Variants in USP7 observed in about 807,000 individuals in gnomAD.
USP7 encodes ubiquitin C-terminal hydrolase 7.
In USP7, 9 loss-of-function variants were observed where a neutral mutation model predicts 162.9. That is an observed-to-expected ratio of 0.06 (90% CI 0.03 to 0.10). The LOEUF is 0.10. Among genes scored for constraint, USP7 ranks in the 10% least tolerant of loss-of-function variants. USP7 has a pLI of 1.00. For missense variants in USP7, 715 were observed against 1,373.7 expected (o/e 0.52, Z 7.58); for synonymous variants, 562 against 475.9 (o/e 1.18, Z -2.35).
intron 1 of USP7, among the ~76,000 whole-genome samples, chr16:8,934,107 TC>T (rs1289026865): frequency 3.9e-5 from 6 of 152,190 alleles, no homozygotes; most frequent in Admixed American, 2.0e-4. Context: ...ACTTTTAACT[TC>T]CTTGGTTCAA....
At chr16:8,921,122 C>T (rs1897670067) in intron 4 of USP7, 35 bp downstream of exon 4, 7 of 1,606,280 alleles carry the variant, frequency 4.4e-6, no homozygotes, top group Non-Finnish European at 6.0e-6. Flanking sequence ...AGCAGTAATG[C>T]ACCAATTGTT....
In USP7 at chr16:8,895,018, C is replaced by T. The variant is rs769446474; in HGVS notation, c.3039+13G>A. On this transcript the variant is annotated intron_variant, in intron 28 of 30. Coordinates refer to ENST00000344836, the MANE Select transcript of USP7 (RefSeq NM_003470.3). ...TTTTGACGTGAGCCACTCGGCCAAC[C>T]ACAACAGCATACCTGGTGTATCCTC... 5.6e-6 allele frequency: 9 copies of T among 1,614,236 alleles called. No homozygotes were observed. The South Asian group carries it at 9.9e-5, about 18-fold the overall frequency.
At chr16:8,898,464 A>G in intron 24 of USP7, 27 bp from the exon 25 acceptor site, 3 of 1,608,118 alleles carry the variant, frequency 1.9e-6, no homozygotes, top group Non-Finnish European at 2.5e-6. Flanking sequence ...GATTCACATC[A>G]GATACCGTCA....
At chr16:8,899,879 G>A (rs1284590993) in intron 21 of USP7, 122 bp from the exon 22 acceptor site, 2 of 1,258,534 alleles carry the variant, frequency 1.6e-6, no homozygotes, top group African/African-American at 3.0e-5. Flanking sequence ...ATAAATTCAG[G>A]TTCCCCTTTG....
intron 1 of USP7, among the ~76,000 whole-genome samples, chr16:8,945,840 C>T (rs1252774898): frequency 1.3e-5 from 2 of 151,708 alleles, no homozygotes; most frequent in African/African-American, 4.8e-5. Flanking sequence ...TGCTTGAGGC[C>T]AGGAGTCAGA....
chr16:8,896,134 C>T (rs893824631), intron 26 of USP7, among the ~76,000 whole-genome samples: 1 of 146,614 alleles, frequency 6.8e-6, no homozygotes, highest in African/African-American at 2.5e-5. Flanking sequence ...CCACCATGCC[C>T]AGCTTTTTTT....
chr16:8,899,517 G>C, intron 22 of USP7, 87 bp downstream of exon 22: 1 of 1,534,078 alleles, frequency 6.5e-7, no homozygotes, highest in Non-Finnish European at 8.9e-7. Flanking sequence ...CCAAAACCAT[G>C]AGATAGCTTC....
intron 1 of USP7, among the ~76,000 whole-genome samples, chr16:8,960,379 G>A (rs950104229): frequency 1.3e-5 from 2 of 152,172 alleles, no homozygotes; most frequent in Admixed American, 1.3e-4. Context: ...CCAGAGCACT[G>A]CTGTTTTCCA....
At chr16:8,915,889 G>A (rs950952753) in intron 8 of USP7, among the ~76,000 whole-genome samples, 2 of 152,196 alleles carry the variant, frequency 1.3e-5, no homozygotes, top group African/African-American at 4.8e-5. Flanking sequence ...CCTGTCAACA[G>A]GATTGACTGG....
intron 12 of USP7, among the ~76,000 whole-genome samples, chr16:8,906,996 A>G (rs1023735938): frequency 3.3e-5 from 5 of 152,220 alleles, no homozygotes; most frequent in African/African-American, 4.8e-5. Flanking sequence ...ACAAATTTTG[A>G]TTTACTTGAC....
In USP7 at chr16:8,963,850, G is replaced by C. The variant is rs1162941293; in HGVS notation, c.-565C>G. Among the ~76,000 whole-genome samples, 1 of 146,768 alleles carries C rather than the reference G, an allele frequency of 6.8e-6. No homozygotes were observed. Among genetic ancestry groups the C allele is most frequent in the African/African-American group, 2.4e-5 (1 of 40,894 alleles). The stretch of plus-strand genomic sequence containing the variant: ...CGTCGTCGGGGCTCCGGCAGCGGAC[G>C]CGGCGCCCGGCAGCTCGGCTCGGCT... On this transcript the variant is annotated 5_prime_UTR_variant, in exon 1 of 31. Coordinates refer to ENST00000344836, the MANE Select transcript of USP7 (RefSeq NM_003470.3).
At chr16:8,912,473 A>C (rs1349747798) in intron 10 of USP7, among the ~76,000 whole-genome samples, 2 of 150,312 alleles carry the variant, frequency 1.3e-5, no homozygotes, top group African/African-American at 5.0e-5. Flanking sequence ...GAAAGAAAAA[A>C]GAAAATAAAC....
At chr16:8,952,882 G>C (rs1055880307) in intron 1 of USP7, among the ~76,000 whole-genome samples, 3 of 151,646 alleles carry the variant, frequency 2.0e-5, no homozygotes, top group African/African-American at 7.3e-5. Context: ...TGTCGCCCAG[G>C]CTAGAGTGCA....
At chr16:8,934,626 C>T (rs531492918) in intron 1 of USP7, among the ~76,000 whole-genome samples, 26 of 152,328 alleles carry the variant, frequency 1.7e-4, no homozygotes, top group African/African-American at 5.1e-4. Context: ...CAGAGGTCTG[C>T]GGTTGCAGCA....
chr16:8,899,591 A>G lies in USP7; in HGVS notation c.2463+13T>C. ...AGTGGGATCTGAAGAGGAAAGGAGC[A>G]TTTATTAAATACCTGAAAATAATTC... On this transcript the variant is annotated intron_variant, in intron 22 of 30. Transcript: ENST00000344836. 6.2e-7 allele frequency: 1 copy of G among 1,612,908 alleles called. No individual in the cohort carries two copies. Among genetic ancestry groups the G allele is most frequent in the Non-Finnish European group, 8.5e-7 (1 of 1,178,962 alleles).
At chr16:8,932,084 ACC>A (rs1273003763) in intron 1 of USP7, among the ~76,000 whole-genome samples, 1 of 151,896 alleles carries the variant, frequency 6.6e-6, no homozygotes, top group African/African-American at 2.4e-5. Flanking sequence ...ACTCTCCAAA[ACC>A]CCAACGCTTA....
intron 12 of USP7, among the ~76,000 whole-genome samples, chr16:8,907,171 C>G (rs992386417): frequency 1.3e-5 from 2 of 152,236 alleles, no homozygotes; most frequent in Non-Finnish European, 2.9e-5. Context: ...GCCAAACCTT[C>G]TGATTCCTAA....
chr16:8,899,873 A>G, intron 21 of USP7, 116 bp from the exon 22 acceptor site: 1 of 1,295,550 alleles, frequency 7.7e-7, no homozygotes, highest in Non-Finnish European at 1.1e-6. Flanking sequence ...TGCAAGATAA[A>G]TTCAGGTTCC....
intron 21 of USP7, chr16:8,900,162 C>CT (rs2061751152): frequency 2.9e-6 from 1 of 345,802 alleles, no homozygotes; most frequent in Non-Finnish European, 5.3e-6. Flanking sequence ...CACTGAGTGT[C>CT]TAAGACCAAA....
Sources: allele counts gnomAD v4.1 joint callset (sites outside exome capture counted in the v4.1 genomes callset), GRCh38; gene constraint gnomAD v4.1.1; transcripts MANE v1.5; gene names NCBI Gene and HGNC (gene_info 2026-07-23, HGNC 2026-07-21).